The following USP45 variants were observed in gnomAD, a reference collection of about 807,000 sequenced individuals.
The protein encoded by USP45 is ubiquitin specific peptidase 45.
Under a neutral mutation model 95.8 loss-of-function variants are expected in USP45, and 89 were observed. The observed-to-expected ratio is 0.93, with a 90% CI of 0.78 to 1.11. USP45 has a LOEUF of 1.11. Among genes scored for constraint, USP45 ranks in the 50% least tolerant of loss-of-function variants. USP45 has a pLI of 0.00. For synonymous variants in USP45, 281 were observed against 316.2 expected, an observed-to-expected ratio of 0.89 and a Z score of 1.18; for missense variants, 898 against 942.5, an observed-to-expected ratio of 0.95 and a Z score of 0.62.
chr6:99,464,572 A>C (rs1562348547), intron 13 of USP45, 32 bp downstream of exon 13: 1 of 1,590,404 alleles, frequency 6.3e-7, no homozygotes, highest in South Asian at 1.1e-5. Flanking sequence ...ACTGTTAAAA[A>C]ACAGACGTCT....
chr6:99,468,074 G>A, intron 10 of USP45: 1 of 449,440 alleles, frequency 2.2e-6, no homozygotes, highest in Non-Finnish European at 4.5e-6. Flanking sequence ...CTAGGAGTAG[G>A]CAAAGTGCAC....
chr6:99,503,504 G>A (rs970615176), intron 5 of USP45, among the ~76,000 whole-genome samples: 8 of 151,870 alleles, frequency 5.3e-5, no homozygotes, highest in African/African-American at 1.7e-4. Flanking sequence ...GCTAATTTTT[G>A]TATTCTTAGT....
At chr6:99,515,768 C>CTTT, upstream of USP45, among the ~76,000 whole-genome samples, 1 of 90,342 alleles carries the variant, frequency 1.1e-5, no homozygotes, top group African/African-American at 6.2e-5. Flanking sequence ...CTCCTCTGAA[C>CTTT]TCTTTTTTTT....
At chr6:99,464,971 A>G in intron 12 of USP45, 109 bp downstream of exon 12, 1 of 1,008,836 alleles carries the variant, frequency 9.9e-7, no homozygotes, top group South Asian at 2.1e-5. Context: ...ACTCAATTAT[A>G]TATAAAAAAT....
intron 13 of USP45, chr6:99,461,769 T>C (rs533558265): frequency 1.0e-6 from 1 of 983,718 alleles, no homozygotes; most frequent in South Asian, 4.7e-5. Flanking sequence ...TTTTAAAAGA[T>C]GCAAGGTGCT....
intron 13 of USP45, among the ~76,000 whole-genome samples, chr6:99,454,406 T>C (rs188163620): frequency 3.5e-4 from 53 of 152,238 alleles, no homozygotes; most frequent in African/African-American, 1.1e-3. Flanking sequence ...TAGGTAATGA[T>C]TTTATGGAGA....
chr6:99,508,296 A>G (rs1405128124), intron 3 of USP45, among the ~76,000 whole-genome samples: 1 of 152,236 alleles, frequency 6.6e-6, no homozygotes, highest in Non-Finnish European at 1.5e-5. Flanking sequence ...TTGAGAGAGA[A>G]AAAAATTAAT....
chr6:99,439,785 C>A lies in USP45; in HGVS notation c.2144G>T (p.Cys715Phe), dbSNP rs1265643140. ...FPLMLDLAPF[C>F]SATCKNASVG... ...ATACTGTACCTTACAAGTAGCAGAG[C>A]AGAATGGTGCTAAATCGAGCATAAG... Residue 715 changes from cysteine to phenylalanine, a missense_variant, in exon 16 of 18, where the codon TGC (cysteine) becomes TTC (phenylalanine). By Grantham distance (205) the Cys-to-Phe change is radical. Coordinates refer to ENST00000500704, the MANE Select transcript of USP45 (RefSeq NM_001346022.3). 2.5e-6 allele frequency: 4 copies of A among 1,601,548 alleles called. No individual in the cohort carries two copies. Among genetic ancestry groups the A allele is most frequent in the Non-Finnish European group, 2.6e-6 (3 of 1,173,482 alleles).
chr6:99,473,594 A>G lies in USP45; in HGVS notation c.933+2549T>C, dbSNP rs1416103651. Among the ~76,000 whole-genome samples the G allele has an allele frequency of 2.0e-5, 3 of 151,790 alleles. 1 individual carries two copies. The highest frequency in any genetic ancestry group is 6.6e-5 in the Admixed American group (1 of 15,232). On this transcript the variant is annotated intron_variant, in intron 9 of 17. Coordinates refer to ENST00000500704, the MANE Select transcript of USP45 (RefSeq NM_001346022.3). Reference sequence around the variant, plus strand: ...AACATGGTGAAACCCCATTTCTACTAAAAGTACAAAAATTAGCTGGGAATG... The same window carrying G: ...AACATGGTGAAACCCCATTTCTACTGAAAGTACAAAAATTAGCTGGGAATG...
chr6:99,517,085 G>T (rs897651635), upstream of USP45, among the ~76,000 whole-genome samples: 2 of 151,890 alleles, frequency 1.3e-5, no homozygotes, highest in African/African-American at 4.8e-5. Flanking sequence ...TTCAAAACTT[G>T]GCATAAATTA....
intron 13 of USP45, among the ~76,000 whole-genome samples, chr6:99,451,750 G>A (rs1345732441): frequency 6.6e-6 from 1 of 152,184 alleles, no homozygotes; most frequent in East Asian, 1.9e-4. Flanking sequence ...GAACAAAGCT[G>A]GAGGCATCAG....
Position 99,508,547 on chromosome 6 carries a change from T to C in USP45, c.273+63A>G, listed in dbSNP as rs1231085215. 25 of 1,498,882 alleles carry C rather than the reference T, an allele frequency of 1.7e-5. 1 individual carries two copies. The highest frequency in any genetic ancestry group is 2.2e-5 in the Non-Finnish European group (24 of 1,112,342). 92.8% of individuals were successfully genotyped at this position (1,498,882 alleles called of 1,614,324 possible). A position where few individuals can be genotyped will look rare whatever the true frequency, so the allele number is the denominator to read the frequency against. ...TCCTATGCATGACCAACAGTCCAAC[T>C]CACAATAAGCATTTAAGGAAAACAT... On this transcript the variant is annotated intron_variant, in intron 3 of 17. Transcript: ENST00000500704.
chr6:99,440,004 A>G, intron 15 of USP45, 149 bp from the exon 16 acceptor site: 1 of 471,684 alleles, frequency 2.1e-6, no homozygotes, highest in East Asian at 3.5e-5. Context: ...ATATGAATAA[A>G]TTAAAAATTA....
At chr6:99,472,549 C>T (rs1195021607) in intron 9 of USP45, among the ~76,000 whole-genome samples, 2 of 152,014 alleles carry the variant, frequency 1.3e-5, no homozygotes, top group East Asian at 1.9e-4. Flanking sequence ...TTTAATGATA[C>T]ATGACCACCA....
At chr6:99,439,886 A>C in intron 15 of USP45, 31 bp from the exon 16 acceptor site, 2 of 1,531,140 alleles carry the variant, frequency 1.3e-6, no homozygotes, top group South Asian at 2.4e-5. Flanking sequence ...TTTGAAATGC[A>C]ACAATTAGAA....
chr6:99,464,616 T>G lies in USP45; in HGVS notation c.1296A>C (p.Ser432=). 6.2e-7 allele frequency: 1 copy of G among 1,611,798 alleles called. No homozygotes were observed. The highest frequency in any genetic ancestry group is 8.5e-7 in the Non-Finnish European group (1 of 1,179,392). ...HQPRAAKKHS[S]SKDKSQLIHD... Reference sequence around the variant, plus strand: ...CTTATGGTCTTACCTTATCTTTAGATGAAGAATGCTTCTTGGCAGCTCTAG... The same window carrying G: ...CTTATGGTCTTACCTTATCTTTAGAGGAAGAATGCTTCTTGGCAGCTCTAG... Residue 432 remains serine (S), a synonymous_variant, in exon 13 of 18, where the codon TCA becomes TCC. Coordinates refer to ENST00000500704, the MANE Select transcript of USP45 (RefSeq NM_001346022.3).
intron 2 of USP45, among the ~76,000 whole-genome samples, chr6:99,509,282 C>T (rs1799236131): frequency 6.6e-6 from 1 of 152,230 alleles, no homozygotes; most frequent in South Asian, 2.1e-4. Flanking sequence ...GTCTCATTCA[C>T]CCTTCACTGA....
chr6:99,482,742 G>A lies in USP45; in HGVS notation c.845+11C>T. 1 of 1,588,186 alleles carries A rather than the reference G, an allele frequency of 6.3e-7. No individual in the cohort carries two copies. The highest frequency in any genetic ancestry group is 8.5e-7 in the Non-Finnish European group (1 of 1,169,734). ...CTCATAATTATTTATATTAAATGTA[G>A]ATGCACCCACTTCTGACAAAGCTGA... On this transcript the variant is annotated intron_variant, in intron 8 of 17. Transcript: ENST00000500704.
intron 13 of USP45, among the ~76,000 whole-genome samples, chr6:99,450,551 C>T (rs1484538541): frequency 6.6e-6 from 1 of 152,064 alleles, no homozygotes; most frequent in East Asian, 1.9e-4. Flanking sequence ...AATAGCCTAC[C>T]AATCAAAAAA....
Sources: gnomAD v4.1 joint callset for allele counts (sites outside exome capture counted in the v4.1 genomes callset) on GRCh38, gnomAD v4.1.1 for gene constraint, MANE v1.5 for transcripts, NCBI Gene and HGNC (gene_info 2026-07-23, HGNC 2026-07-21) for gene names.